Variants in TRPM3 observed in about 807,000 individuals in gnomAD.
TRPM3 encodes long transient receptor potential channel 3.
A neutral mutation model predicts 181.2 loss-of-function variants in TRPM3; 77 were observed. The observed-to-expected ratio is 0.42, with a 90% CI of 0.35 to 0.51. The LOEUF (loss-of-function observed/expected upper bound fraction) is 0.51. Ranked by LOEUF, TRPM3 falls within the 20% of genes least tolerant of loss-of-function variation. The pLI is 0.01. For synonymous variants in TRPM3, 745 were observed against 796.4 expected, an observed-to-expected ratio of 0.94 and a Z score of 1.09; for missense variants, 1,759 against 2,196.7, an observed-to-expected ratio of 0.80 and a Z score of 3.98.
At chr9:70,945,807 A>G (rs1399327525) in intron 1 of TRPM3, among the ~76,000 whole-genome samples, 1 of 152,166 alleles carries the variant, frequency 6.6e-6, no homozygotes, top group Non-Finnish European at 1.5e-5. Flanking sequence ...GAAGTTCTGT[A>G]CTATTCAGGC....
intron 1 of TRPM3, among the ~76,000 whole-genome samples, chr9:71,287,898 T>C (rs914274313): frequency 6.6e-6 from 1 of 152,104 alleles, no homozygotes; most frequent in Non-Finnish European, 1.5e-5. Context: ...TAGCAATTCT[T>C]ATTAAACCCT....
At chr9:71,097,760 C>T (rs555027441) in intron 1 of TRPM3, among the ~76,000 whole-genome samples, 1 of 152,142 alleles carries the variant, frequency 6.6e-6, no homozygotes, top group Non-Finnish European at 1.5e-5. Flanking sequence ...ACAAAATCAC[C>T]AATCAGTGGT....
chr9:71,404,118 C>T (rs968260545), intron 1 of TRPM3, among the ~76,000 whole-genome samples: 1 of 152,130 alleles, frequency 6.6e-6, no homozygotes, highest in Non-Finnish European at 1.5e-5. Flanking sequence ...GCCTGGCCAT[C>T]TTTATAAAAC....
intron 1 of TRPM3, among the ~76,000 whole-genome samples, chr9:70,910,096 T>C (rs964283328): frequency 3.9e-5 from 6 of 152,142 alleles, no homozygotes; most frequent in African/African-American, 9.7e-5. Context: ...CCAAAAAATA[T>C]GTGTATAAGT....
At chr9:70,644,450 C>T (rs1179624086) in intron 9 of TRPM3, among the ~76,000 whole-genome samples, 1 of 152,106 alleles carries the variant, frequency 6.6e-6, no homozygotes, top group Non-Finnish European at 1.5e-5. Context: ...CAACCAACGA[C>T]AAAAACCACA....
At chr9:70,954,904 G>C (rs1183011005) in intron 1 of TRPM3, among the ~76,000 whole-genome samples, 10 of 151,956 alleles carry the variant, frequency 6.6e-5, no homozygotes, top group Non-Finnish European at 4.4e-5. Context: ...AAGAAAAGCA[G>C]CCTTCAATCT....
At chr9:71,319,719 TATA>T (rs2089016065) in intron 1 of TRPM3, among the ~76,000 whole-genome samples, 1 of 152,088 alleles carries the variant, frequency 6.6e-6, no homozygotes, top group Non-Finnish European at 1.5e-5. Context: ...ATTAAATTAA[TATA>T]ATATTATTCA....
intron 1 of TRPM3, among the ~76,000 whole-genome samples, chr9:71,206,150 A>G (rs2079106064): frequency 1.3e-5 from 2 of 152,204 alleles, no homozygotes; most frequent in Admixed American, 1.3e-4. Flanking sequence ...TTCTGGTTCT[A>G]GATCCTTGAG....
intron 1 of TRPM3, among the ~76,000 whole-genome samples, chr9:71,143,067 T>C (rs975665188): frequency 6.6e-6 from 1 of 150,972 alleles, no homozygotes; most frequent in Non-Finnish European, 1.5e-5. Context: ...GGAAGATCAC[T>C]TGGGCCATGA....
chr9:70,949,231 A>C (rs2096969565), intron 1 of TRPM3, among the ~76,000 whole-genome samples: 2 of 151,980 alleles, frequency 1.3e-5, no homozygotes, highest in African/African-American at 4.8e-5. Flanking sequence ...TTTTAAAAAT[A>C]ATTTTTAGTA....
intron 1 of TRPM3, among the ~76,000 whole-genome samples, chr9:71,253,315 T>G (rs781163632): frequency 9.9e-5 from 15 of 152,172 alleles, no homozygotes; most frequent in Non-Finnish European, 1.8e-4. Flanking sequence ...CATTATGGCT[T>G]AGGTCAGTAA....
intron 1 of TRPM3, among the ~76,000 whole-genome samples, chr9:70,986,355 C>T (rs1246944430): frequency 1.3e-5 from 2 of 152,108 alleles, no homozygotes; most frequent in Non-Finnish European, 1.5e-5. Flanking sequence ...AGAGGAACAC[C>T]TTGTCTCTAA....
chr9:70,986,130 C>T (rs35118068), intron 1 of TRPM3, among the ~76,000 whole-genome samples: 21,246 of 152,026 alleles, frequency 0.14, 1,622 homozygotes, highest in East Asian at 0.21. Context: ...GAGGCCAAGG[C>T]AGGAGGATCC....
chr9:71,201,157 T>A, intron 1 of TRPM3, among the ~76,000 whole-genome samples: 1 of 151,658 alleles, frequency 6.6e-6, no homozygotes, highest in Middle Eastern at 3.2e-3. Context: ...GGATATGAAA[T>A]TCTGGGTTGA....
chr9:70,741,607 G>A (rs2074109717), intron 8 of TRPM3, among the ~76,000 whole-genome samples: 1 of 151,902 alleles, frequency 6.6e-6, no homozygotes, highest in Admixed American at 6.6e-5. Flanking sequence ...AAGAAATCGT[G>A]GTATATGTAT....
chr9:71,294,472 T>C (rs2086087804), intron 1 of TRPM3, among the ~76,000 whole-genome samples: 1 of 152,086 alleles, frequency 6.6e-6, no homozygotes, highest in Non-Finnish European at 1.5e-5. Flanking sequence ...GACAATCTTC[T>C]TGACAATATT....
rs761379173 is a variant in TRPM3 at position 71,133,292 on chromosome 9, CTT to C, written c.184-268783_184-268782del. Among the ~76,000 whole-genome samples the C allele has an allele frequency of 2.3e-3, 163 of 72,328 alleles. 2 individuals carry two copies. Among genetic ancestry groups the C allele is most frequent in the African/African-American group, 6.4e-3 (130 of 20,378 alleles). The allele number at this position is 72,328 out of a possible 152,430, so 47.4% of individuals were successfully genotyped here. ...CATTTGTAATTCTTCTAGCAAATTG[CTT>C]TTTTTTTTTTTTTTTTTGAGACAGA... On this transcript the variant is annotated intron_variant, in intron 1 of 24. Coordinates refer to the TRPM3 transcript ENST00000357533.
Position 70,864,369 on chromosome 9 carries a change from C to CA in TRPM3, c.257+62_257+63insT, listed in dbSNP as rs1564631090. On this transcript the variant is annotated intron_variant, in intron 2 of 25. Coordinates refer to ENST00000677713, the MANE Select transcript of TRPM3 (RefSeq NM_001366145.2). ...TTTCCCTTGTAACAGGTCATGATTA[C>CA]TCTTGCAGGTTTTTTGTATAATTAC... 6.9e-6 allele frequency: 8 copies of CA among 1,167,586 alleles called. No homozygotes were observed. The African/African-American group carries it at 1.1e-4, about 16-fold the overall frequency. 72.3% of individuals were successfully genotyped at this position (1,167,586 alleles called of 1,614,324 possible). A position where few individuals can be genotyped will look rare whatever the true frequency, so the allele number is the denominator to read the frequency against.
At position 71,181,298 on chromosome 9, in the gene TRPM3, T is replaced by C. The variant is rs79908579; in HGVS notation, c.183+265355A>G. Among the ~76,000 whole-genome samples the C allele has an allele frequency of 7.7e-3, 1,171 of 152,152 alleles. 19 individuals carry two copies. The highest frequency in any genetic ancestry group is 0.026 in the African/African-American group (1,095 of 41,518). ...CTAGAAGGAAAAGTAGATGGCTTTT[T>C]AAACTTCAACTTCTGTTTTAATAAA... is the stretch of plus-strand genomic sequence containing the variant. On this transcript the variant is annotated intron_variant, in intron 1 of 24. Coordinates refer to the TRPM3 transcript ENST00000357533.
Sources: allele counts gnomAD v4.1 joint callset (sites outside exome capture counted in the v4.1 genomes callset), GRCh38; gene constraint gnomAD v4.1.1; transcripts MANE v1.5; gene names NCBI Gene and HGNC (gene_info 2026-07-23, HGNC 2026-07-21).